Variants in MIB1 observed in about 807,000 individuals in gnomAD.
The protein encoded by MIB1 is E3 ubiquitin-protein ligase MIB1.
In MIB1, 278 loss-of-function variants were observed where a neutral mutation model predicts 124.5. The observed-to-expected ratio is 2.23, with a 90% CI of 2.02 to 2.47. MIB1 has a LOEUF of 2.47. Among genes scored for constraint, MIB1 ranks in the 30% most tolerant of loss-of-function variants. The probability of loss-of-function intolerance (pLI) is 0.00; values close to 1 mark genes in which losing one functional copy is unlikely to be tolerated. For synonymous variants in MIB1, 446 were observed against 429.4 expected, an observed-to-expected ratio of 1.04 and a Z score of -0.48; for missense variants, 957 against 1,254.4, an observed-to-expected ratio of 0.76 and a Z score of 3.58.
chr18:21,731,213 G>C (rs2040768184), intron 1 of MIB1, among the ~76,000 whole-genome samples: 2 of 152,174 alleles, frequency 1.3e-5, no homozygotes, highest in African/African-American at 4.8e-5. Flanking sequence ...GGGGTGCAGT[G>C]ACTGTCTTTC....
At chr18:21,721,257 T>G (rs957204588) in intron 1 of MIB1, among the ~76,000 whole-genome samples, 8 of 134,388 alleles carry the variant, frequency 6.0e-5, no homozygotes, top group African/African-American at 1.7e-4. Flanking sequence ...CTTGGCTCAC[T>G]GCAATATCCG....
intron 10 of MIB1, among the ~76,000 whole-genome samples, chr18:21,806,618 G>GTTT (rs1226979427): frequency 6.7e-6 from 1 of 149,550 alleles, no homozygotes; most frequent in African/African-American, 2.5e-5. Flanking sequence ...ATAGTTTTTT[G>GTTT]TTTTTTGTTT....
At chr18:21,862,916 T>C (rs2042288758) in intron 20 of MIB1, among the ~76,000 whole-genome samples, 2 of 152,234 alleles carry the variant, frequency 1.3e-5, no homozygotes, top group African/African-American at 4.8e-5. Flanking sequence ...TTCAGGGAAT[T>C]TCAGTTAGAC....
intron 2 of MIB1, among the ~76,000 whole-genome samples, chr18:21,767,284 G>A (rs910853165): frequency 6.6e-6 from 1 of 152,114 alleles, no homozygotes; most frequent in Admixed American, 6.5e-5. Context: ...AAGCAAACAC[G>A]CCCTTCCTTC....
chr18:21,831,588 C>A (rs1181385809), intron 12 of MIB1, among the ~76,000 whole-genome samples: 2 of 152,102 alleles, frequency 1.3e-5, no homozygotes, highest in Non-Finnish European at 2.9e-5. Context: ...ATCTTGCTTT[C>A]TGCCTATTGA....
chr18:21,858,179 C>T (rs1054930100), intron 19 of MIB1, among the ~76,000 whole-genome samples: 7 of 152,180 alleles, frequency 4.6e-5, no homozygotes, highest in Non-Finnish European at 7.3e-5. Flanking sequence ...GACCAAAGCC[C>T]TGCTGGTTAC....
chr18:21,758,012 G>A (rs1169214496), intron 1 of MIB1, among the ~76,000 whole-genome samples: 3 of 152,068 alleles, frequency 2.0e-5, no homozygotes, highest in Non-Finnish European at 4.4e-5. Context: ...AGACCCAGTT[G>A]GGTTTGAATT....
intron 20 of MIB1, among the ~76,000 whole-genome samples, chr18:21,863,856 A>AT (rs1245545367): frequency 3.3e-5 from 5 of 152,028 alleles, no homozygotes; most frequent in African/African-American, 1.2e-4. Flanking sequence ...ATACAAAAAA[A>AT]TTAGCTGGGT....
intron 6 of MIB1, among the ~76,000 whole-genome samples, chr18:21,787,135 C>T (rs1234496304): frequency 6.6e-6 from 1 of 152,000 alleles, no homozygotes; most frequent in Non-Finnish European, 1.5e-5. Context: ...TTGCTGCCTG[C>T]CTCCTTTTCA....
chr18:21,845,096 C>T (rs937559585), intron 15 of MIB1, among the ~76,000 whole-genome samples: 30 of 151,972 alleles, frequency 2.0e-4, no homozygotes, highest in African/African-American at 6.3e-4. Context: ...CTGCAACCTC[C>T]GCCTCCTGGG....
chr18:21,715,980 G>C (rs1249548961), intron 1 of MIB1, among the ~76,000 whole-genome samples: 1 of 152,160 alleles, frequency 6.6e-6, no homozygotes, highest in Non-Finnish European at 1.5e-5. Flanking sequence ...CCTTGTTAGT[G>C]ACCTGGACAT....
intron 18 of MIB1, among the ~76,000 whole-genome samples, chr18:21,853,934 G>A (rs932621692): frequency 2.8e-5 from 4 of 143,102 alleles, no homozygotes; most frequent in Non-Finnish European, 4.5e-5. Context: ...GCACAATCTC[G>A]GCTCACTGCA....
chr18:21,809,124 G>C lies in MIB1; in HGVS notation c.1479+5110G>C, dbSNP rs574180377. Among the ~76,000 whole-genome samples, 16 of 152,172 alleles carry C rather than the reference G, an allele frequency of 1.1e-4. 1 individual carries two copies. The East Asian group carries it at 2.9e-3, about 27-fold the overall frequency. Reference sequence around the variant, plus strand: ...TACAGAAATAAAAAGGATTATAAGAGAGTACTATGAACAATATGCCAACAA... The same window carrying C: ...TACAGAAATAAAAAGGATTATAAGACAGTACTATGAACAATATGCCAACAA... On this transcript the variant is annotated intron_variant, in intron 10 of 20. Coordinates refer to ENST00000261537, the MANE Select transcript of MIB1 (RefSeq NM_020774.4).
At chr18:21,751,642 C>A (rs1191724421) in intron 1 of MIB1, among the ~76,000 whole-genome samples, 2 of 152,058 alleles carry the variant, frequency 1.3e-5, no homozygotes, top group African/African-American at 2.4e-5. Flanking sequence ...TATCTCATGT[C>A]ATTCCCTTCT....
intron 20 of MIB1, among the ~76,000 whole-genome samples, chr18:21,859,204 G>A (rs1423277811): frequency 6.6e-6 from 1 of 152,104 alleles, no homozygotes; most frequent in African/African-American, 2.4e-5. Context: ...GAGCCCAGGA[G>A]TTCAAGACCA....
chr18:21,764,826 TAC>T (rs1422824236), intron 1 of MIB1, among the ~76,000 whole-genome samples: 1 of 152,042 alleles, frequency 6.6e-6, no homozygotes, highest in Non-Finnish European at 1.5e-5. Context: ...TAAAAGTAAA[TAC>T]AGACGGAGTC....
chr18:21,816,242 G>C (rs1291335010), intron 11 of MIB1, among the ~76,000 whole-genome samples: 1 of 152,022 alleles, frequency 6.6e-6, no homozygotes, highest in African/African-American at 2.4e-5. Flanking sequence ...TTTCTGTTTT[G>C]GAAAATGTAT....
At chr18:21,809,845 GA>G (rs1398221981) in intron 10 of MIB1, among the ~76,000 whole-genome samples, 1 of 152,046 alleles carries the variant, frequency 6.6e-6, no homozygotes, top group Non-Finnish European at 1.5e-5. Context: ...ACAGGGCAAG[GA>G]TACCTGCTTT....
intron 4 of MIB1, 84 bp downstream of exon 4, chr18:21,773,812 G>T: frequency 1.3e-6 from 1 of 780,156 alleles, no homozygotes; most frequent in Admixed American, 2.8e-5. Context: ...TTTTTCCTTT[G>T]TCATCTCCCT....
Sources: gnomAD v4.1 joint callset for allele counts (sites outside exome capture counted in the v4.1 genomes callset) on GRCh38, gnomAD v4.1.1 for gene constraint, MANE v1.5 for transcripts, NCBI Gene and HGNC (gene_info 2026-07-23, HGNC 2026-07-21) for gene names.